MACF1: variants seen among roughly 807,000 people sequenced by gnomAD.
The protein encoded by MACF1 is microtubule-actin cross-linking factor 1.
In MACF1, 193 loss-of-function variants were observed where a neutral mutation model predicts 854.8. The observed-to-expected ratio is 0.23, with a 90% CI of 0.20 to 0.25. MACF1 has a LOEUF of 0.25. Ranked by LOEUF, MACF1 falls within the 10% of genes least tolerant of loss-of-function variation. The probability of loss-of-function intolerance (pLI) is 1.00; values close to 1 mark genes in which losing one functional copy is unlikely to be tolerated. For synonymous variants in MACF1, 3,185 were observed against 3,226.7 expected (o/e 0.99, Z 0.44); for missense variants, 7,722 against 8,929.1 (o/e 0.86, Z 5.45).
In MACF1 at chr1:39,324,251, G is replaced by C; in HGVS notation, c.4295G>C (p.Trp1432Ser). The change falls in exon 34 of 101, where the codon TGG becomes TCG. Residue 1432 changes from tryptophan to serine, a missense_variant. Coordinates refer to ENST00000564288, the MANE Select transcript of MACF1 (RefSeq NM_001394062.1). ...HVEKVKELLG[W>S]VSTLARNTQG... ...GAGAAGGTTAAAGAACTTTTGGGCT[G>C]GGTGTCTACCCTAGCGAGGAATACA... is the stretch of plus-strand genomic sequence containing the variant. 1 of 1,613,404 alleles carries C rather than the reference G, an allele frequency of 6.2e-7. No homozygotes were observed. The highest frequency in any genetic ancestry group is 1.1e-5 in the South Asian group (1 of 90,974).
chr1:39,332,707 C>A lies in MACF1; in HGVS notation c.6119C>A (p.Pro2040His). The change falls in exon 37 of 101, where the codon CCT becomes CAT. Residue 2040 changes from proline (P) to histidine (H), a missense_variant. Coordinates refer to ENST00000564288, the MANE Select transcript of MACF1 (RefSeq NM_001394062.1). ...TFSSGWTVRL[P>H]EFQFSSQNKE... is the part of the protein sequence containing the mutation. ...AGCAGTGGGTGGACTGTGAGGCTGCCTGAGTTCCAGTTTTCTTCTCAGAAC... is the reference window on the plus strand; with the variant it reads ...AGCAGTGGGTGGACTGTGAGGCTGCATGAGTTCCAGTTTTCTTCTCAGAAC... The A allele has an allele frequency of 6.2e-7, 1 of 1,614,130 alleles. No individual in the cohort carries two copies.
intron 2 of MACF1, among the ~76,000 whole-genome samples, chr1:39,152,275 C>T (rs1160719038): frequency 1.3e-5 from 2 of 152,132 alleles, no homozygotes; most frequent in Non-Finnish European, 2.9e-5. Context: ...GCCCGGCGTG[C>T]ACAGTGTATA....
At chr1:39,481,054 A>T in intron 99 of MACF1, 24 bp downstream of exon 99, 3 of 1,436,452 alleles carry the variant, frequency 2.1e-6, no homozygotes, top group Non-Finnish European at 2.9e-6. Context: ...TTGCTGACTG[A>T]GGACACAGTC....
chr1:39,088,440 T>G (rs925610409), intron 2 of MACF1, among the ~76,000 whole-genome samples: 1 of 152,178 alleles, frequency 6.6e-6, no homozygotes, highest in African/African-American at 2.4e-5. Context: ...ACCAGCCCAG[T>G]CTGAATCTTC....
At chr1:39,174,223 T>A (rs1227910117) in intron 2 of MACF1, among the ~76,000 whole-genome samples, 1 of 152,196 alleles carries the variant, frequency 6.6e-6, no homozygotes, top group East Asian at 1.9e-4. Flanking sequence ...TTAGTGTGAT[T>A]TGGGGCATGT....
chr1:39,279,023 G>C (rs1229279022), intron 6 of MACF1, among the ~76,000 whole-genome samples: 1 of 152,172 alleles, frequency 6.6e-6, no homozygotes, highest in Non-Finnish European at 1.5e-5. Context: ...TGTTGCTTTA[G>C]AATATCTATA....
intron 44 of MACF1, 104 bp from the exon 45 acceptor site, chr1:39,357,271 G>T: frequency 7.9e-7 from 1 of 1,272,890 alleles, no homozygotes; most frequent in South Asian, 1.4e-5. Flanking sequence ...AAGGCTGAAT[G>T]TAAGCAGACC....
chr1:39,120,618 T>C (rs1330750167), intron 2 of MACF1, among the ~76,000 whole-genome samples: 1 of 152,164 alleles, frequency 6.6e-6, no homozygotes, highest in Admixed American at 6.5e-5. Context: ...CGCCTTGGCC[T>C]CCCAAAGTGT....
chr1:39,398,914 C>T (rs1452438358), intron 58 of MACF1, among the ~76,000 whole-genome samples: 4 of 152,178 alleles, frequency 2.6e-5, no homozygotes, highest in African/African-American at 4.8e-5. Flanking sequence ...GAGTACTGAT[C>T]TCAGTGTGAT....
chr1:39,384,423 C>T (rs1298578217), intron 56 of MACF1, among the ~76,000 whole-genome samples: 1 of 152,040 alleles, frequency 6.6e-6, no homozygotes, highest in Non-Finnish European at 1.5e-5. Flanking sequence ...TTATAACAGC[C>T]AAAGTAAGTA....
Position 39,353,003 on chromosome 1 carries a change from T to G in MACF1, c.11200-4T>G. 1 of 1,610,906 alleles carries G rather than the reference T, an allele frequency of 6.2e-7. No individual in the cohort carries two copies. The highest frequency in any genetic ancestry group is 8.5e-7 in the Non-Finnish European group (1 of 1,177,226). On this transcript the variant is annotated splice_polypyrimidine_tract_variant and splice_region_variant and intron_variant, in intron 43 of 100. Coordinates refer to ENST00000564288, the MANE Select transcript of MACF1 (RefSeq NM_001394062.1). ...TCTCACTAGACTACCTCGGTGGCTT[T>G]CAGAGTAAAGCAGCAAAGGAACTGG...
chr1:39,289,692 C>CATTTTTTT (rs1164932499), intron 15 of MACF1, among the ~76,000 whole-genome samples: 1 of 23,538 alleles, frequency 4.2e-5, no homozygotes, highest in Non-Finnish European at 1.3e-4. Context: ...TGTGGGTTGT[C>CATTTTTTT]CTTTTTTTTT....
At chr1:39,362,209 C>T (rs1384340557) in intron 49 of MACF1, among the ~76,000 whole-genome samples, 4 of 152,164 alleles carry the variant, frequency 2.6e-5, no homozygotes, top group Admixed American at 6.5e-5. Flanking sequence ...TAATTTAATT[C>T]GACTCAGTAG....
intron 2 of MACF1, among the ~76,000 whole-genome samples, chr1:39,089,400 G>A (rs1316459743): frequency 6.6e-6 from 1 of 152,196 alleles, no homozygotes; most frequent in African/African-American, 2.4e-5. Context: ...ATCAGCAAAT[G>A]CTGCTGAAAT....
At chr1:39,285,446 C>G (rs770022228) in intron 13 of MACF1, 56 bp downstream of exon 13, 1 of 1,588,192 alleles carries the variant, frequency 6.3e-7, no homozygotes, top group Admixed American at 1.7e-5. Flanking sequence ...TGCTTCTCAC[C>G]CTCTGCTCTA....
chr1:39,430,977 C>T lies in MACF1; in HGVS notation c.17337+69C>T, dbSNP rs1643867849. 5.9e-6 allele frequency: 8 copies of T among 1,348,816 alleles called. No individual in the cohort carries two copies. The East Asian group carries it at 9.3e-5, about 16-fold the overall frequency. 83.6% of individuals were successfully genotyped at this position (1,348,816 alleles called of 1,614,324 possible). On this transcript the variant is annotated intron_variant, in intron 66 of 100. Coordinates refer to ENST00000564288, the MANE Select transcript of MACF1 (RefSeq NM_001394062.1). The stretch of plus-strand genomic sequence containing the variant: ...GATGTGTGAGATACAGTACTATGAC[C>T]CACATAAATACAGACTCAGAAATAA...
intron 1 of MACF1, among the ~76,000 whole-genome samples, chr1:39,227,414 C>G (rs1360365867): frequency 6.6e-6 from 1 of 152,114 alleles, no homozygotes; most frequent in East Asian, 1.9e-4. Context: ...AAATCATGTT[C>G]TCTTCAAGGA....
rs1341680351 is a variant in MACF1, at chr1:39,335,494, C to G, written c.8906C>G (p.Ala2969Gly). 9.9e-6 allele frequency: 16 copies of G among 1,613,962 alleles called. No individual in the cohort carries two copies. The East Asian group carries it at 3.6e-4, about 36-fold the overall frequency. Residue 2969 changes from alanine (A) to glycine (G), a missense_variant, in exon 37 of 101, where the codon GCT becomes GGT. Transcript: ENST00000564288. ...CAGGTTTTGCAGCAACCAATGAATGCTCGGGTGAAAAGTAAGAGAGAGAAG... is the reference window on the plus strand; with the variant it reads ...CAGGTTTTGCAGCAACCAATGAATGGTCGGGTGAAAAGTAAGAGAGAGAAG... ...SEQVLQQPMN[A>G]RVKSKREKRE...
At chr1:39,273,420 G>A (rs926470819) in intron 6 of MACF1, among the ~76,000 whole-genome samples, 6 of 152,054 alleles carry the variant, frequency 3.9e-5, no homozygotes, top group African/African-American at 1.4e-4. Context: ...TTATCTTCTG[G>A]GCTCAGCCTT....
Sources: allele counts gnomAD v4.1 joint callset (sites outside exome capture counted in the v4.1 genomes callset), GRCh38; gene constraint gnomAD v4.1.1; transcripts MANE v1.5; gene names NCBI Gene and HGNC (gene_info 2026-07-23, HGNC 2026-07-21).